CDKAL1: variants seen among roughly 807,000 people sequenced by gnomAD.
CDKAL1 encodes CDKAL1 threonylcarbamoyladenosine tRNA methylthiotransferase.
Under a neutral mutation model 68.2 loss-of-function variants are expected in CDKAL1, and 32 were observed. The ratio of observed to expected loss-of-function variants is 0.47; its 90% confidence interval spans 0.35 to 0.63. The LOEUF (loss-of-function observed/expected upper bound fraction) is 0.63, where lower values mean the gene tolerates loss of function less well. CDKAL1 is among the 30% of genes least tolerant of loss of function. The pLI is 0.00. For missense variants in CDKAL1, 606 were observed against 696.7 expected (o/e 0.87, Z 1.47); for synonymous variants, 234 against 244.3 (o/e 0.96, Z 0.39).
Position 21,205,739 on chromosome 6 carries a change from G to A in CDKAL1, c.1548+4465G>A, listed in dbSNP as rs1778892385. Among the ~76,000 whole-genome samples, 4 of 149,954 alleles carry A rather than the reference G, an allele frequency of 2.7e-5. No homozygotes were observed. The South Asian group carries it at 8.5e-4, about 32-fold the overall frequency. On this transcript the variant is annotated intron_variant, in intron 15 of 15. Transcript: ENST00000274695. ...GTAGAGACGGGGTTTCACTGTGTTA[G>A]CCAGGATGGTCTCGATCTCCTGACC...
At chr6:20,870,144 C>T (rs1401209101) in intron 9 of CDKAL1, among the ~76,000 whole-genome samples, 1 of 152,172 alleles carries the variant, frequency 6.6e-6, no homozygotes, top group Non-Finnish European at 1.5e-5. Context: ...CCAAACACTA[C>T]ATGAATGCTC....
chr6:21,140,341 C>G (rs554642041), intron 13 of CDKAL1, among the ~76,000 whole-genome samples: 3 of 152,292 alleles, frequency 2.0e-5, no homozygotes, highest in East Asian at 3.9e-4. Flanking sequence ...AAGCTACTTG[C>G]AAATTACTTG....
intron 5 of CDKAL1, among the ~76,000 whole-genome samples, chr6:20,655,717 A>G (rs1354491468): frequency 6.6e-6 from 1 of 152,092 alleles, no homozygotes; most frequent in Non-Finnish European, 1.5e-5. Context: ...CTGTGGAAAA[A>G]TTATCTTCCA....
intron 13 of CDKAL1, among the ~76,000 whole-genome samples, chr6:21,113,496 TTTTTTG>T (rs1360978883): frequency 4.0e-5 from 6 of 151,724 alleles, no homozygotes; most frequent in South Asian, 4.2e-4. Context: ...AAAACGGGGT[TTTTTTG>T]TTTTTGTTTT....
intron 13 of CDKAL1, among the ~76,000 whole-genome samples, chr6:21,188,560 A>C (rs1778108164): frequency 6.6e-6 from 1 of 152,214 alleles, no homozygotes. Context: ...AAAGTTCTAC[A>C]CTTATATCCA....
intron 12 of CDKAL1, among the ~76,000 whole-genome samples, chr6:21,080,218 C>T (rs1453973205): frequency 1.3e-5 from 2 of 152,018 alleles, no homozygotes; most frequent in Non-Finnish European, 1.5e-5. Context: ...TGTTAAGCCT[C>T]AGCTGTGTAG....
chr6:21,156,807 C>T (rs4712586), intron 13 of CDKAL1, among the ~76,000 whole-genome samples: 134,654 of 152,132 alleles, frequency 0.89, 59,937 homozygotes, highest in African/African-American at 0.97. Flanking sequence ...AGGAGCAAGA[C>T]TGGTGTGCAT....
chr6:20,669,583 G>A (rs1769714654), intron 5 of CDKAL1, among the ~76,000 whole-genome samples: 1 of 151,872 alleles, frequency 6.6e-6, no homozygotes, highest in African/African-American at 2.4e-5. Flanking sequence ...AATGGTACAA[G>A]GCTTGACTTT....
At chr6:20,891,357 A>G (rs1392760488) in intron 9 of CDKAL1, among the ~76,000 whole-genome samples, 2 of 152,142 alleles carry the variant, frequency 1.3e-5, no homozygotes, top group Non-Finnish European at 2.9e-5. Flanking sequence ...TGTTAGCGGC[A>G]GGAAGGTGGG....
intron 9 of CDKAL1, among the ~76,000 whole-genome samples, chr6:20,932,931 T>G (rs539760931): frequency 2.6e-5 from 4 of 152,318 alleles, no homozygotes; most frequent in South Asian, 2.1e-4. Context: ...TGAATTTGAT[T>G]GTTATTGTAT....
chr6:21,059,439 T>C (rs761521284), intron 11 of CDKAL1, among the ~76,000 whole-genome samples: 3 of 152,188 alleles, frequency 2.0e-5, no homozygotes, highest in Non-Finnish European at 2.9e-5. Context: ...TGGCATGGGC[T>C]CACAGGGGGA....
At chr6:20,568,320 A>T (rs1444627933) in intron 4 of CDKAL1, among the ~76,000 whole-genome samples, 1 of 152,058 alleles carries the variant, frequency 6.6e-6, no homozygotes, top group Non-Finnish European at 1.5e-5. Context: ...TGCCTGGCCT[A>T]TTCTTAGCTT....
At chr6:20,547,849 A>G (rs1763664891) in intron 3 of CDKAL1, among the ~76,000 whole-genome samples, 1 of 150,704 alleles carries the variant, frequency 6.6e-6, no homozygotes, top group Non-Finnish European at 1.5e-5. Context: ...AACTTTGATT[A>G]AGTTACTTAT....
intron 5 of CDKAL1, among the ~76,000 whole-genome samples, chr6:20,660,860 G>T (rs147711287): frequency 4.6e-5 from 7 of 152,108 alleles, no homozygotes; most frequent in African/African-American, 1.7e-4. Context: ...ATTGTAAGTT[G>T]TATAAGTAAT....
chr6:21,226,590 G>A (rs894314212), intron 15 of CDKAL1, among the ~76,000 whole-genome samples: 2 of 152,186 alleles, frequency 1.3e-5, no homozygotes, highest in African/African-American at 4.8e-5. Flanking sequence ...GTAAGCAAAG[G>A]TCATATCCTG....
intron 12 of CDKAL1, among the ~76,000 whole-genome samples, chr6:21,083,403 G>C (rs1187767474): frequency 6.6e-6 from 1 of 152,106 alleles, no homozygotes; most frequent in Non-Finnish European, 1.5e-5. Context: ...GAGATGATCA[G>C]TTTTTAACAT....
chr6:20,704,491 T>C (rs1167672262), intron 5 of CDKAL1, among the ~76,000 whole-genome samples: 1 of 152,030 alleles, frequency 6.6e-6, no homozygotes, highest in Non-Finnish European at 1.5e-5. Context: ...GGGGGAGGAA[T>C]GTGCTTGTCA....
intron 9 of CDKAL1, among the ~76,000 whole-genome samples, chr6:20,904,052 A>G (rs976304092): frequency 2.0e-5 from 3 of 152,218 alleles, no homozygotes; most frequent in Non-Finnish European, 4.4e-5. Context: ...TTGGTCTAAG[A>G]GAAGCTTGCA....
In CDKAL1 at chr6:20,830,922, A is replaced by AT. The variant is rs35997536; in HGVS notation, c.639-15142dup. On this transcript the variant is annotated intron_variant, in intron 8 of 15. Transcript: ENST00000274695. Reference sequence around the variant, plus strand: ...GAACTAGACAAATATATGTTTTTAGATTTTTTTTTTTCCAACTTTGATTTT... The same window carrying AT: ...GAACTAGACAAATATATGTTTTTAGATTTTTTTTTTTTCCAACTTTGATTTT... 8.0e-5 allele frequency among the ~76,000 whole-genome samples: 12 copies of AT among 150,402 alleles called. 1 individual carries two copies. The highest frequency in any genetic ancestry group is 4.2e-4 in the South Asian group (2 of 4,746).
Sources: gnomAD v4.1 joint callset for allele counts (sites outside exome capture counted in the v4.1 genomes callset) on GRCh38, gnomAD v4.1.1 for gene constraint, MANE v1.5 for transcripts, NCBI Gene and HGNC (gene_info 2026-07-23, HGNC 2026-07-21) for gene names.